The following NOTCH2NLC variants were observed in gnomAD, a reference collection of about 807,000 sequenced individuals.
The protein encoded by NOTCH2NLC is notch homolog 2 N-terminal-like protein C.
A neutral mutation model predicts 17.7 loss-of-function variants in NOTCH2NLC; 4 were observed. That is an observed-to-expected ratio of 0.23 (90% confidence interval 0.11 to 0.52). The LOEUF is 0.52. NOTCH2NLC is among the 20% of genes least tolerant of loss of function. The probability of loss-of-function intolerance (pLI) is 0.96; values close to 1 mark genes in which losing one functional copy is unlikely to be tolerated. For missense variants in NOTCH2NLC, 57 were observed against 207.2 expected, an observed-to-expected ratio of 0.28 and a Z score of 4.45; for synonymous variants, 18 against 86.0, an observed-to-expected ratio of 0.21 and a Z score of 4.38.
chr1:149,417,191 G>T (rs1203570105), intron 1 of NOTCH2NLC, among the ~76,000 whole-genome samples: 1 of 126,618 alleles, frequency 7.9e-6, no homozygotes, highest in Non-Finnish European at 1.6e-5. Context: ...CTCACTGCAA[G>T]CTCCGCCTCC....
intron 3 of NOTCH2NLC, among the ~76,000 whole-genome samples, chr1:149,460,564 C>T (rs2084637988): frequency 6.7e-6 from 1 of 149,644 alleles, no homozygotes; most frequent in South Asian, 2.1e-4. Flanking sequence ...GTCTGGATCG[C>T]CTGACCTCAT....
chr1:149,439,907 TAAAC>T (rs1332615434), intron 2 of NOTCH2NLC, among the ~76,000 whole-genome samples: 2 of 146,502 alleles, frequency 1.4e-5, no homozygotes, highest in East Asian at 2.1e-4. Flanking sequence ...GCTCTTCTCC[TAAAC>T]AGTCTTCTAC....
At position 149,431,049 on chromosome 1, in the gene NOTCH2NLC, G is replaced by A. The variant is rs1375980647; in HGVS notation, c.209+34G>A. The A allele has an allele frequency of 8.5e-4, 227 of 267,860 alleles. 12 individuals carry two copies. The East Asian group carries it at 0.015, about 17-fold the overall frequency. The allele number at this position is 267,860 out of a possible 1,614,324, so 16.6% of individuals were successfully genotyped here. ...TTCTCTTCATATATTTTCTTTTTGC[G>A]ATAGAACACTGGACAAGATTTGATT... On this transcript the variant is annotated intron_variant, in intron 2 of 4. Coordinates refer to ENST00000650865, the MANE Select transcript of NOTCH2NLC (RefSeq NM_001364013.2).
chr1:149,391,092 CG>C (rs1164946517), intron 1 of NOTCH2NLC, among the ~76,000 whole-genome samples, 170 bp downstream of exon 1: 1 of 74,896 alleles, frequency 1.3e-5, no homozygotes, highest in Non-Finnish European at 2.7e-5. Context: ...GGGCCCCTCC[CG>C]TGGTGCCCCG....
chr1:149,429,251 T>C (rs1226061695), intron 1 of NOTCH2NLC, among the ~76,000 whole-genome samples: 159 of 150,440 alleles, frequency 1.1e-3, no homozygotes, highest in African/African-American at 3.7e-3. Context: ...AGTGGTGCGA[T>C]GCCCCATAAA....
At chr1:149,446,994 TG>T (rs2084558332) in intron 2 of NOTCH2NLC, among the ~76,000 whole-genome samples, 1 of 121,434 alleles carries the variant, frequency 8.2e-6, no homozygotes, top group Middle Eastern at 3.6e-3. Flanking sequence ...GGTAGCTTAA[TG>T]GAATTATAGA....
At chr1:149,427,243 T>C (rs1412403350) in intron 1 of NOTCH2NLC, among the ~76,000 whole-genome samples, 4 of 149,282 alleles carry the variant, frequency 2.7e-5, no homozygotes, top group African/African-American at 7.4e-5. Context: ...AAAAAATTCT[T>C]CTTGTGTAAC....
chr1:149,416,820 T>C (rs1373340944), intron 1 of NOTCH2NLC, among the ~76,000 whole-genome samples: 1 of 145,796 alleles, frequency 6.9e-6, no homozygotes, highest in South Asian at 2.2e-4. Context: ...TCTTTTGTTG[T>C]GTAGGTAGGG....
intron 1 of NOTCH2NLC, among the ~76,000 whole-genome samples, chr1:149,417,743 A>AG (rs2084344525): frequency 2.0e-5 from 3 of 147,366 alleles, no homozygotes; most frequent in African/African-American, 7.5e-5. Context: ...GCTTGGGTGG[A>AG]GGAATGTAGA....
chr1:149,460,859 CTTTCTTTCTT>C (rs2084641806), intron 3 of NOTCH2NLC, among the ~76,000 whole-genome samples: 4 of 1,798 alleles, frequency 2.2e-3, no homozygotes, highest in Non-Finnish European at 9.1e-3. Flanking sequence ...TTCTCCCTTT[CTTTCTTTCTT>C]TCTTTCTTTC....
At chr1:149,417,007 C>T (rs1477145644) in intron 1 of NOTCH2NLC, among the ~76,000 whole-genome samples, 1 of 140,766 alleles carries the variant, frequency 7.1e-6, no homozygotes, top group Non-Finnish European at 1.5e-5. Flanking sequence ...ATGTGCATAG[C>T]TGGTATGTGG....
At chr1:149,433,941 G>A (rs1367108853) in intron 2 of NOTCH2NLC, among the ~76,000 whole-genome samples, 1 of 146,990 alleles carries the variant, frequency 6.8e-6, no homozygotes, top group South Asian at 2.1e-4. Context: ...GAGTGAGACT[G>A]TGTCTCCAAA....
chr1:149,413,125 T>C (rs2084308974), intron 1 of NOTCH2NLC, among the ~76,000 whole-genome samples: 1 of 150,258 alleles, frequency 6.7e-6, no homozygotes, highest in African/African-American at 2.4e-5. Context: ...TCAGGCTGGT[T>C]TTGAACTGCT....
rs1358902872 is a variant in NOTCH2NLC at position 149,398,196 on chromosome 1, C to T, written c.135+7274C>T. Reference sequence around the variant, plus strand: ...CTTGTCTGCTGTCGTGAGCTGTCTGCCATTTTCCTCTTTCTTTGTTGTAAT... The same window carrying T: ...CTTGTCTGCTGTCGTGAGCTGTCTGTCATTTTCCTCTTTCTTTGTTGTAAT... On this transcript the variant is annotated intron_variant, in intron 1 of 4. Coordinates refer to ENST00000650865, the MANE Select transcript of NOTCH2NLC (RefSeq NM_001364013.2). Among the ~76,000 whole-genome samples the T allele has an allele frequency of 6.6e-5, 10 of 151,042 alleles. 1 individual carries two copies. The highest frequency in any genetic ancestry group is 1.0e-4 in the Non-Finnish European group (7 of 67,628).
rs2084506127 is a variant in NOTCH2NLC, at chr1:149,439,954, A to C, written c.209+8939A>C. The stretch of plus-strand genomic sequence containing the variant: ...TTATGAAAAGAGTTTTATGAAAGAA[A>C]AGTGAAAATAAAGACTAAGAAAGGC... On this transcript the variant is annotated intron_variant, in intron 2 of 4. Coordinates refer to ENST00000650865, the MANE Select transcript of NOTCH2NLC (RefSeq NM_001364013.2). Among the ~76,000 whole-genome samples, 2 of 148,946 alleles carry C rather than the reference A, an allele frequency of 1.3e-5. 1 individual carries two copies. The highest frequency in any genetic ancestry group is 1.3e-4 in the Admixed American group (2 of 14,914).
In NOTCH2NLC at chr1:149,426,910, A is replaced by G. The variant is rs1453584850; in HGVS notation, c.136-4032A>G. 1.4e-3 allele frequency among the ~76,000 whole-genome samples: 205 copies of G among 150,846 alleles called. 4 individuals are homozygous for G. Among genetic ancestry groups the G allele is most frequent in the African/African-American group, 4.6e-3 (189 of 41,270 alleles). On this transcript the variant is annotated intron_variant, in intron 1 of 4. Transcript: ENST00000650865. ...GTCCCGGTCTCACTTTCATGGCTTCAGGTTATCAAAGTTTTAATTTCTCTT... is the reference window on the plus strand; with the variant it reads ...GTCCCGGTCTCACTTTCATGGCTTCGGGTTATCAAAGTTTTAATTTCTCTT...
At chr1:149,393,056 C>A (rs1192037737) in intron 1 of NOTCH2NLC, among the ~76,000 whole-genome samples, 1 of 116,132 alleles carries the variant, frequency 8.6e-6, no homozygotes, top group Non-Finnish European at 1.6e-5. Context: ...GGCGACAGAG[C>A]GAGACTCCGT....
At chr1:149,412,875 C>T (rs1409203783) in intron 1 of NOTCH2NLC, among the ~76,000 whole-genome samples, 2 of 140,566 alleles carry the variant, frequency 1.4e-5, no homozygotes, top group Non-Finnish European at 1.5e-5. Flanking sequence ...TAGTCAGTGG[C>T]AGTACAAAGA....
chr1:149,419,091 C>T lies in NOTCH2NLC; in HGVS notation c.136-11851C>T, dbSNP rs1390846760. Among the ~76,000 whole-genome samples, 32 of 144,274 alleles carry T rather than the reference C, an allele frequency of 2.2e-4. 1 individual carries two copies. The Admixed American group carries it at 2.2e-3, about 10-fold the overall frequency. The allele number at this position is 144,274 out of a possible 152,430, so 94.6% of individuals were successfully genotyped here. On this transcript the variant is annotated intron_variant, in intron 1 of 4. Coordinates refer to ENST00000650865, the MANE Select transcript of NOTCH2NLC (RefSeq NM_001364013.2). ...TTTCTTTTCTTTCTTTTCTCTCTCT[C>T]TCTTTCTTTAGCAGTTTATTACTCA...
Sources: gnomAD v4.1 joint callset for allele counts (sites outside exome capture counted in the v4.1 genomes callset) on GRCh38, gnomAD v4.1.1 for gene constraint, MANE v1.5 for transcripts, NCBI Gene and HGNC (gene_info 2026-07-23, HGNC 2026-07-21) for gene names.